The following GRIP1 variants were observed in gnomAD, a reference collection of about 807,000 sequenced individuals.
The protein encoded by GRIP1 is glutamate receptor-interacting protein 1.
In GRIP1, 45 loss-of-function variants were observed where a neutral mutation model predicts 129.9. That is an observed-to-expected ratio of 0.35 (90% CI 0.27 to 0.44). GRIP1 has a LOEUF of 0.44. Among genes scored for constraint, GRIP1 ranks in the 20% least tolerant of loss-of-function variants. The pLI is 1.00. For missense variants in GRIP1, 1,196 were observed against 1,396.8 expected, an observed-to-expected ratio of 0.86 and a Z score of 2.29; for synonymous variants, 530 against 520.8, an observed-to-expected ratio of 1.02 and a Z score of -0.24.
At chr12:66,431,242 C>T (rs1057240004) in intron 14 of GRIP1, among the ~76,000 whole-genome samples, 1 of 152,092 alleles carries the variant, frequency 6.6e-6, no homozygotes, top group Non-Finnish European at 1.5e-5. Flanking sequence ...AACTGAGAGG[C>T]TAAGTGACCC....
intron 2 of GRIP1, among the ~76,000 whole-genome samples, chr12:66,592,972 G>T (rs10878458): frequency 0.081 from 12,331 of 152,150 alleles, 496 homozygotes; most frequent in African/African-American, 0.086. Context: ...GGGGAGAAAT[G>T]AAATTGAAAA....
chr12:67,001,371 C>T (rs974116666), intron 1 of GRIP1, among the ~76,000 whole-genome samples: 3 of 152,144 alleles, frequency 2.0e-5, no homozygotes, highest in African/African-American at 7.2e-5. Context: ...TGCACAATCA[C>T]TGAGAAGAAG....
At chr12:66,933,557 T>G (rs1029616687) in intron 1 of GRIP1, among the ~76,000 whole-genome samples, 2 of 152,148 alleles carry the variant, frequency 1.3e-5, no homozygotes, top group Admixed American at 6.5e-5. Flanking sequence ...TCCAAAAAAA[T>G]TTAATTGAGG....
In GRIP1 at chr12:66,371,696, T is replaced by C. The variant is rs747523711; in HGVS notation, c.3010A>G (p.Lys1004Glu). 23 of 1,600,270 alleles carry C rather than the reference T, an allele frequency of 1.4e-5. No individual in the cohort carries two copies. The highest frequency in any genetic ancestry group is 1.9e-5 in the Non-Finnish European group (22 of 1,167,384). The change falls in exon 23 of 25, where the codon AAG becomes GAG. Residue 1004 changes from lysine (K) to glutamate (E), a missense_variant and splice_region_variant. This residue lies in a region of GRIP1 where 427 missense variants were observed against 463.3 expected (regional missense o/e 0.92). Coordinates refer to ENST00000359742, the MANE Select transcript of GRIP1 (RefSeq NM_001366722.1). ...GAAAGAAGAGAAAGCTTACTGACCT[T>C]GTGCAGCTCCACAGGAGTTGGAGAC... ...IMSPTPVELH[K>E]VTLYKDSDME... is the part of the protein sequence containing the mutation.
At position 66,455,389 on chromosome 12, in the gene GRIP1, T is replaced by C. The variant is rs746944408; in HGVS notation, c.1354+20A>G. On this transcript the variant is annotated intron_variant, in intron 11 of 24. Transcript: ENST00000359742. ...CAGGTTTTTTCCAGGCCAAATGCCA[T>C]TGGCTGTCATTTCACTTACATGAGC... 8 of 1,610,812 alleles carry C rather than the reference T, an allele frequency of 5.0e-6. No individual in the cohort carries two copies. In the African/African-American group the frequency reaches 8.0e-5, roughly 16 times the overall value.
intron 1 of GRIP1, among the ~76,000 whole-genome samples, chr12:66,686,726 G>A (rs776415683): frequency 3.2e-4 from 49 of 152,172 alleles, no homozygotes; most frequent in Non-Finnish European, 1.0e-4. Flanking sequence ...GGCATAGGAA[G>A]GAGTTAAGTT....
At chr12:66,699,488 ATAAGGGGTTTC>A (rs927782400) in intron 1 of GRIP1, among the ~76,000 whole-genome samples, 2 of 152,128 alleles carry the variant, frequency 1.3e-5, no homozygotes, top group African/African-American at 4.8e-5. Context: ...TGATGGTTTT[ATAAGGGGTTTC>A]CCCTTTTACT....
intron 2 of GRIP1, among the ~76,000 whole-genome samples, chr12:66,584,106 T>C (rs1253776880): frequency 3.3e-5 from 5 of 150,012 alleles, no homozygotes; most frequent in African/African-American, 7.4e-5. Flanking sequence ...ATGTCCTTTG[T>C]AGGGACATGG....
chr12:66,631,060 C>A (rs2030723373), intron 1 of GRIP1, among the ~76,000 whole-genome samples: 3 of 152,048 alleles, frequency 2.0e-5, no homozygotes, highest in African/African-American at 7.2e-5. Flanking sequence ...CTCAGCCAAC[C>A]AAGAGTAGCT....
intron 1 of GRIP1, among the ~76,000 whole-genome samples, chr12:66,735,518 TCTTA>T (rs1255538291): frequency 1.3e-5 from 2 of 152,150 alleles, no homozygotes; most frequent in African/African-American, 4.8e-5. Context: ...CTGACTCACT[TCTTA>T]CTGCCTGGAG....
rs76089949 is a variant in GRIP1 at position 66,820,818 on chromosome 12, T to TAA, written c.59-223893_59-223892dup. On this transcript the variant is annotated intron_variant, in intron 1 of 1. Transcript: ENST00000643019. ...GAAAAGGAAAAACTAGGGAGACAATTAAAAAAAAAAAACAGGGGTTGCTAG... is the reference window on the plus strand; with the variant it reads ...GAAAAGGAAAAACTAGGGAGACAATTAAAAAAAAAAAAAACAGGGGTTGCTAG... 2.1e-5 allele frequency among the ~76,000 whole-genome samples: 3 copies of TAA among 144,384 alleles called. No individual in the cohort carries two copies. The East Asian group carries it at 5.9e-4, about 29-fold the overall frequency. 94.7% of individuals were successfully genotyped at this position (144,384 alleles called of 152,430 possible). A position where few individuals can be genotyped will look rare whatever the true frequency, so the allele number is the denominator to read the frequency against.
At chr12:66,596,012 T>C (rs949505047) in intron 2 of GRIP1, among the ~76,000 whole-genome samples, 5 of 152,240 alleles carry the variant, frequency 3.3e-5, no homozygotes, top group Admixed American at 1.3e-4. Context: ...AAAACTATTG[T>C]ACTCTAAAAT....
chr12:66,584,200 T>C (rs930381350), intron 2 of GRIP1, among the ~76,000 whole-genome samples: 8 of 149,348 alleles, frequency 5.4e-5, no homozygotes, highest in East Asian at 4.0e-4. Flanking sequence ...TAGGTGGGAA[T>C]TGAACAATGA....
At chr12:66,978,866 C>T (rs1198408261) in intron 1 of GRIP1, among the ~76,000 whole-genome samples, 1 of 152,090 alleles carries the variant, frequency 6.6e-6, no homozygotes, top group Non-Finnish European at 1.5e-5. Context: ...TCTTAAATTA[C>T]AGGCAGCTAA....
chr12:66,839,412 A>G (rs1358481864), intron 1 of GRIP1, among the ~76,000 whole-genome samples: 1 of 152,188 alleles, frequency 6.6e-6, no homozygotes, highest in Non-Finnish European at 1.5e-5. Flanking sequence ...AATTTTCAAA[A>G]TGATTTAATT....
chr12:66,349,979 C>T (rs1030359130), intron 24 of GRIP1, among the ~76,000 whole-genome samples: 1 of 151,930 alleles, frequency 6.6e-6, no homozygotes, highest in African/African-American at 2.4e-5. Context: ...TTTTCAGGTC[C>T]TCCCTGACAC....
At chr12:66,550,550 A>T (rs1489023463) in intron 2 of GRIP1, among the ~76,000 whole-genome samples, 2 of 152,192 alleles carry the variant, frequency 1.3e-5, no homozygotes. Context: ...AATTGTGTGC[A>T]TTATTTCAGG....
intron 1 of GRIP1, among the ~76,000 whole-genome samples, chr12:67,054,429 A>C (rs1361775016): frequency 2.0e-5 from 3 of 152,182 alleles, no homozygotes; most frequent in African/African-American, 7.2e-5. Flanking sequence ...AAATGAGTAA[A>C]ATATATAGTT....
chr12:66,778,015 C>A (rs1187613508), intron 1 of GRIP1, among the ~76,000 whole-genome samples: 1 of 152,116 alleles, frequency 6.6e-6, no homozygotes, highest in African/African-American at 2.4e-5. Flanking sequence ...GTAAAATACA[C>A]ACCAAATTTT....
Sources: gnomAD v4.1 joint callset for allele counts (sites outside exome capture counted in the v4.1 genomes callset) on GRCh38, gnomAD v4.1.1 for gene constraint, gnomAD v4.1.1 regional missense constraint, MANE v1.5 for transcripts, NCBI Gene and HGNC (gene_info 2026-07-23, HGNC 2026-07-21) for gene names.